Variants in CHM observed in about 807,000 individuals in gnomAD.
The protein encoded by CHM is CHM Rab escort protein.
Under a neutral mutation model 49.0 loss-of-function variants are expected in CHM, and 10 were observed. The observed-to-expected ratio is 0.20, with a 90% CI of 0.13 to 0.35. CHM has a LOEUF of 0.35. Among genes scored for constraint, CHM ranks in the 10% least tolerant of loss-of-function variants. The pLI is 1.00. For missense variants in CHM, 455 were observed against 478.4 expected (o/e 0.95, Z 0.46); for synonymous variants, 184 against 167.5 (o/e 1.10, Z -0.76).
Position 85,864,715 on chromosome X carries a change from G to A in CHM, c.1877C>T (p.Ser626Leu). 1 of 1,208,530 alleles carries A rather than the reference G, an allele frequency of 8.3e-7. No individual in the cohort carries two copies. Among genetic ancestry groups the A allele is most frequent in the Non-Finnish European group, 1.1e-6 (1 of 893,523 alleles). ...LDGDSLQPEA[S>L]ESSAIPEANS... is the part of the protein sequence containing the mutation. The stretch of plus-strand genomic sequence containing the variant: ...AGCCTCTGGTATGGCACTGGATTCT[G>A]AAGCCTCTGGCTGTAAACTGTCTCC... The change falls in exon 15 of 15, where the codon TCA becomes TTA. Residue 626 changes from serine to leucine, a missense_variant. Transcript: ENST00000357749.
intron 8 of CHM, among the ~76,000 whole-genome samples, chrX:85,920,251 A>G (rs951576535): frequency 9.2e-6 from 1 of 109,254 alleles, no homozygotes; most frequent in Non-Finnish European, 1.9e-5. Flanking sequence ...GCCCACCACC[A>G]CACCCAGCTA....
At chrX:85,954,154 C>T (rs771566509) in intron 8 of CHM, among the ~76,000 whole-genome samples, 74 of 112,069 alleles carry the variant, frequency 6.6e-4, no homozygotes, top group Non-Finnish European at 1.2e-3. Flanking sequence ...ATACAAATGA[C>T]AAGGAGACAT....
chrX:85,962,681 T>G (rs1031976492), intron 5 of CHM, among the ~76,000 whole-genome samples: 7 of 111,832 alleles, frequency 6.3e-5, no homozygotes, highest in African/African-American at 2.0e-4. Context: ...TATTGTTAGC[T>G]CTCAACTTAT....
chrX:85,871,798 T>C (rs940585916), intron 14 of CHM, among the ~76,000 whole-genome samples: 1 of 111,876 alleles, frequency 8.9e-6, no homozygotes, highest in African/African-American at 3.2e-5. Flanking sequence ...TTACTTAAAT[T>C]TTTTTGGTTA....
chrX:85,885,537 CTAAT>C lies in CHM; in HGVS notation c.1511-6478_1511-6475del, dbSNP rs745873259. 4.6e-4 allele frequency among the ~76,000 whole-genome samples: 51 copies of C among 111,017 alleles called. 1 individual carries two copies. Among genetic ancestry groups the C allele is most frequent in the Non-Finnish European group, 6.8e-4 (36 of 52,711 alleles). On this transcript the variant is annotated intron_variant, in intron 12 of 14. Coordinates refer to ENST00000357749, the MANE Select transcript of CHM (RefSeq NM_000390.4). ...ACATTCTTTGTTAAACAATTGAACT[CTAAT>C]TAAATCACCAAAGTTTACATCATTT...
chrX:85,940,358 T>G (rs1929036364), intron 8 of CHM, among the ~76,000 whole-genome samples: 1 of 111,875 alleles, frequency 8.9e-6, no homozygotes, highest in Non-Finnish European at 1.9e-5. Context: ...TGAGGTTACT[T>G]GTTAAAGAGA....
intron 2 of CHM, among the ~76,000 whole-genome samples, chrX:85,997,901 G>T (rs754802676): frequency 3.2e-4 from 35 of 110,458 alleles, no homozygotes; most frequent in Non-Finnish European, 4.2e-4. Flanking sequence ...AGTGAGCTGA[G>T]ATGGCGTCAC....
intron 8 of CHM, among the ~76,000 whole-genome samples, chrX:85,929,432 C>T (rs1159213966): frequency 8.9e-6 from 1 of 112,002 alleles, no homozygotes; most frequent in African/African-American, 3.3e-5. Flanking sequence ...GTCTATTACC[C>T]TATTTGCTTT....
At chrX:85,928,987 A>G (rs749304447) in intron 8 of CHM, among the ~76,000 whole-genome samples, 1 of 112,343 alleles carries the variant, frequency 8.9e-6, no homozygotes, top group African/African-American at 3.2e-5. Context: ...GAGTCATACA[A>G]CTATATAAAA....
At chrX:85,959,077 G>A (rs1930157723) in intron 5 of CHM, 100 bp from the exon 6 acceptor site, 3 of 966,067 alleles carry the variant, frequency 3.1e-6, no homozygotes, top group Admixed American at 2.6e-5. Context: ...ATTATTTGTA[G>A]AAACAATCAT....
chrX:86,009,140 G>A (rs1443256570), intron 2 of CHM, among the ~76,000 whole-genome samples: 1 of 112,009 alleles, frequency 8.9e-6, no homozygotes, highest in Non-Finnish European at 1.9e-5. Flanking sequence ...CAAAGGTAAG[G>A]AAGGTCCTTC....
At chrX:85,996,381 A>G (rs1310183807) in intron 2 of CHM, among the ~76,000 whole-genome samples, 2 of 112,194 alleles carry the variant, frequency 1.8e-5, no homozygotes, top group African/African-American at 6.5e-5. Context: ...CTTGACGAAT[A>G]TAGATGCAAT....
At chrX:85,891,698 G>A (rs753550818) in intron 12 of CHM, among the ~76,000 whole-genome samples, 2 of 112,685 alleles carry the variant, frequency 1.8e-5, no homozygotes, top group East Asian at 5.6e-4. Flanking sequence ...CACTGTGGAA[G>A]GGAAATGTGG....
chrX:85,875,059 A>G (rs373430195), intron 13 of CHM, among the ~76,000 whole-genome samples: 3 of 111,708 alleles, frequency 2.7e-5, no homozygotes, highest in Non-Finnish European at 3.8e-5. Context: ...GCTGGAGGAA[A>G]TGAATAATCC....
chrX:86,019,029 T>C (rs1242144373), intron 2 of CHM, among the ~76,000 whole-genome samples: 1 of 111,728 alleles, frequency 9.0e-6, no homozygotes, highest in African/African-American at 3.3e-5. Flanking sequence ...CTTACGTCTC[T>C]GGAGAATGTA....
At chrX:85,933,612 G>T (rs1408855048) in intron 8 of CHM, among the ~76,000 whole-genome samples, 2 of 111,986 alleles carry the variant, frequency 1.8e-5, no homozygotes, top group East Asian at 2.8e-4. Flanking sequence ...ATTTAAAAGG[G>T]TTATTTTAGA....
rs1176100791 is a variant in CHM at position 85,981,821 on chromosome X, A to T, written c.117-12T>A. ...CATAGTAGCTTCTTCTGTAACAATT[A>T]AAAAAAAAAAAAAAAGTAAAGAAAA... On this transcript the variant is annotated splice_polypyrimidine_tract_variant and intron_variant, in intron 2 of 14. Coordinates refer to ENST00000357749, the MANE Select transcript of CHM (RefSeq NM_000390.4). 1 of 328,670 alleles carries T rather than the reference A, an allele frequency of 3.0e-6. No homozygotes were observed. Among genetic ancestry groups the T allele is most frequent in the Non-Finnish European group, 4.2e-6 (1 of 238,703 alleles). 27.1% of individuals were successfully genotyped at this position (328,670 alleles called of 1,213,427 possible).
At chrX:85,959,771 T>C (rs1930200142) in intron 5 of CHM, among the ~76,000 whole-genome samples, 1 of 111,699 alleles carries the variant, frequency 9.0e-6, no homozygotes, top group African/African-American at 3.2e-5. Context: ...CTATTTCCTA[T>C]ATTAAGATAC....
intron 2 of CHM, among the ~76,000 whole-genome samples, chrX:85,982,099 C>T (rs1324943795): frequency 9.0e-6 from 1 of 111,595 alleles, no homozygotes; most frequent in African/African-American, 3.3e-5. Context: ...CTGACATGGG[C>T]ATTTAGCAGG....
Sources: gnomAD v4.1 joint callset for allele counts (sites outside exome capture counted in the v4.1 genomes callset) on GRCh38, gnomAD v4.1.1 for gene constraint, MANE v1.5 for transcripts, NCBI Gene and HGNC (gene_info 2026-07-23, HGNC 2026-07-21) for gene names.